Variants in COX7B2 observed in about 807,000 individuals in gnomAD.
COX7B2 encodes cytochrome c oxidase subunit 7B2, mitochondrial.
For synonymous variants in COX7B2, 37 were observed against 32.1 expected (o/e 1.15, Z -0.51); for missense variants, 109 against 95.9 (o/e 1.14, Z -0.57).
chr4:46,858,468 A>T (rs1044561995), intron 1 of COX7B2, among the ~76,000 whole-genome samples: 2 of 152,216 alleles, frequency 1.3e-5, no homozygotes, highest in African/African-American at 2.4e-5. Context: ...TTTTTCATTC[A>T]TGAAAATATT....
At chr4:46,805,614 A>T (rs1221004942) in intron 2 of COX7B2, among the ~76,000 whole-genome samples, 2 of 152,300 alleles carry the variant, frequency 1.3e-5, no homozygotes, top group African/African-American at 2.4e-5. Flanking sequence ...TCAGGTTTTT[A>T]AAAAAATTTA....
intron 2 of COX7B2, among the ~76,000 whole-genome samples, chr4:46,813,997 C>G (rs948408332): frequency 6.6e-6 from 1 of 152,050 alleles, no homozygotes; most frequent in Admixed American, 6.6e-5. Flanking sequence ...TATCTCATCC[C>G]CATTAAAAAG....
At chr4:46,760,667 C>A (rs555999888) in intron 2 of COX7B2, among the ~76,000 whole-genome samples, 1 of 152,028 alleles carries the variant, frequency 6.6e-6, no homozygotes, top group African/African-American at 2.4e-5. Context: ...CGTAACAAAC[C>A]TGCACGTTCT....
chr4:46,869,696 G>C (rs1161503683), intron 1 of COX7B2, among the ~76,000 whole-genome samples: 1 of 151,906 alleles, frequency 6.6e-6, no homozygotes, highest in Non-Finnish European at 1.5e-5. Flanking sequence ...GTTGAATATA[G>C]GCCCCCAAAC....
intron 1 of COX7B2, among the ~76,000 whole-genome samples, chr4:46,863,428 A>G (rs1717452075): frequency 6.6e-6 from 1 of 152,138 alleles, no homozygotes; most frequent in Non-Finnish European, 1.5e-5. Context: ...TTCATGAAGG[A>G]ATTTTGTGTG....
rs1189824923 is a variant in COX7B2 at position 46,909,237 on chromosome 4, G to A, written c.-182C>T. 2 of 152,114 alleles carry A rather than the reference G, an allele frequency of 1.3e-5. No homozygotes were observed. Among genetic ancestry groups the A allele is most frequent in the African/African-American group, 4.8e-5 (2 of 41,406 alleles). The allele number at this position is 152,114 out of a possible 1,614,324, so 9.4% of individuals were successfully genotyped here. The stretch of plus-strand genomic sequence containing the variant: ...AACCTTTCCGTTTTACAGCCTGGAG[G>A]GGTCGGGTAAAACAGGTACTTCCTG... On this transcript the variant is annotated 5_prime_UTR_variant, in exon 1 of 3. Transcript: ENST00000355591.
chr4:46,825,286 C>A (rs1003442607), intron 2 of COX7B2, among the ~76,000 whole-genome samples: 1 of 151,604 alleles, frequency 6.6e-6, no homozygotes, highest in Admixed American at 6.6e-5. Flanking sequence ...TCACAATTGC[C>A]ATAAAAAAGC....
At chr4:46,830,764 T>C (rs1297720037) in intron 2 of COX7B2, among the ~76,000 whole-genome samples, 1 of 152,376 alleles carries the variant, frequency 6.6e-6, no homozygotes, top group Non-Finnish European at 1.5e-5. Context: ...CACAGTAGTT[T>C]AGGAACCTTG....
chr4:46,868,594 G>C (rs942714897), intron 1 of COX7B2, among the ~76,000 whole-genome samples: 3 of 152,058 alleles, frequency 2.0e-5, no homozygotes, highest in Admixed American at 2.0e-4. Context: ...GTTTCAAAAA[G>C]CCTCTTGATT....
chr4:46,739,212 A>G (rs553226216), intron 2 of COX7B2, among the ~76,000 whole-genome samples: 5 of 152,210 alleles, frequency 3.3e-5, no homozygotes, highest in African/African-American at 9.6e-5. Context: ...ACACCTAAGA[A>G]CAAATGACAG....
At chr4:46,866,793 T>G (rs1717695001) in intron 1 of COX7B2, among the ~76,000 whole-genome samples, 1 of 152,116 alleles carries the variant, frequency 6.6e-6, no homozygotes, top group Non-Finnish European at 1.5e-5. Context: ...AATGTAATAG[T>G]GTTGCATTAT....
intron 1 of COX7B2, among the ~76,000 whole-genome samples, chr4:46,895,567 A>C (rs759632722): frequency 3.9e-5 from 6 of 152,166 alleles, no homozygotes; most frequent in Non-Finnish European, 5.9e-5. Context: ...GAGTGACAAA[A>C]TAATCTGTAC....
intron 1 of COX7B2, chr4:46,876,843 T>A (rs1471469509): frequency 6.6e-6 from 1 of 152,210 alleles, no homozygotes. Flanking sequence ...ACATTACAAA[T>A]CTTTGTGAGA....
At chr4:46,887,741 C>CCTA (rs1247927261) in intron 1 of COX7B2, among the ~76,000 whole-genome samples, 6 of 150,024 alleles carry the variant, frequency 4.0e-5, no homozygotes, top group Non-Finnish European at 8.9e-5. Flanking sequence ...AAGGAAGTAT[C>CCTA]CTATACAGAG....
At chr4:46,820,974 G>A (rs1311461206) in intron 2 of COX7B2, among the ~76,000 whole-genome samples, 1 of 151,916 alleles carries the variant, frequency 6.6e-6, no homozygotes, top group African/African-American at 2.4e-5. Context: ...AATTACTACA[G>A]TCGAAACCTG....
chr4:46,744,880 C>G (rs1201652651), intron 2 of COX7B2, among the ~76,000 whole-genome samples: 1 of 151,708 alleles, frequency 6.6e-6, no homozygotes, highest in African/African-American at 2.4e-5. Flanking sequence ...CAGGCGCACG[C>G]TGGCACGCCC....
chr4:46,804,075 G>A (rs552783536), intron 2 of COX7B2, among the ~76,000 whole-genome samples: 3 of 151,970 alleles, frequency 2.0e-5, no homozygotes, highest in African/African-American at 7.2e-5. Context: ...TCGTGGTCTC[G>A]CTGGCTCAGG....
chr4:46,749,116 G>C (rs377590799), intron 2 of COX7B2, among the ~76,000 whole-genome samples: 55 of 152,152 alleles, frequency 3.6e-4, no homozygotes, highest in African/African-American at 1.2e-3. Flanking sequence ...TATATCTAAA[G>C]TTTCAAGTAA....
At chr4:46,884,315 C>G (rs923376217) in intron 1 of COX7B2, among the ~76,000 whole-genome samples, 11 of 152,144 alleles carry the variant, frequency 7.2e-5, no homozygotes, top group African/African-American at 2.7e-4. Flanking sequence ...CCTCAACCTT[C>G]CACAGTGCTG....
Sources: gnomAD v4.1 joint callset for allele counts (sites outside exome capture counted in the v4.1 genomes callset) on GRCh38, gnomAD v4.1.1 for gene constraint, MANE v1.5 for transcripts, NCBI Gene and HGNC (gene_info 2026-07-23, HGNC 2026-07-21) for gene names.